The following BEND7 variants were observed in gnomAD, a reference collection of about 807,000 sequenced individuals.
BEND7 encodes BEN domain-containing protein 7.
Under a neutral mutation model 50.9 loss-of-function variants are expected in BEND7, and 28 were observed. The observed-to-expected ratio is 0.55, with a 90% CI of 0.41 to 0.75. The LOEUF (loss-of-function observed/expected upper bound fraction) is 0.75, where lower values mean the gene tolerates loss of function less well. BEND7 is among the 30% of genes least tolerant of loss of function. BEND7 has a pLI of 0.00. For missense variants in BEND7, 477 were observed against 491.3 expected (o/e 0.97, Z 0.28); for synonymous variants, 170 against 183.9 (o/e 0.92, Z 0.61).
At chr10:13,454,133 T>C (rs1162986185) in intron 6 of BEND7, among the ~76,000 whole-genome samples, 1 of 152,182 alleles carries the variant, frequency 6.6e-6, no homozygotes, top group East Asian at 1.9e-4. Flanking sequence ...TGGCATTGTT[T>C]GGTTAATCAC....
chr10:13,467,334 A>T (rs971656060), intron 6 of BEND7, among the ~76,000 whole-genome samples: 8 of 152,144 alleles, frequency 5.3e-5, no homozygotes, highest in Non-Finnish European at 8.8e-5. Flanking sequence ...AAACTAGGAA[A>T]CGGCACATTT....
intron 4 of BEND7, among the ~76,000 whole-genome samples, chr10:13,495,220 C>T (rs1045949079): frequency 2.6e-5 from 4 of 152,284 alleles, no homozygotes; most frequent in Non-Finnish European, 5.9e-5. Flanking sequence ...CATAAAGTAA[C>T]CTTTCTTTCT....
chr10:13,513,620 C>T (rs2078440009), intron 2 of BEND7, among the ~76,000 whole-genome samples: 1 of 152,318 alleles, frequency 6.6e-6, no homozygotes, highest in East Asian at 1.9e-4. Flanking sequence ...CTTCTCCCCA[C>T]CACCACCCCA....
intron 6 of BEND7, among the ~76,000 whole-genome samples, chr10:13,465,174 T>A (rs2074106437): frequency 6.6e-6 from 1 of 152,230 alleles, no homozygotes; most frequent in South Asian, 2.1e-4. Flanking sequence ...CGTCTGTTAC[T>A]TAACTTGAAG....
At chr10:13,524,946 G>A (rs376186100) in intron 2 of BEND7, among the ~76,000 whole-genome samples, 2 of 151,902 alleles carry the variant, frequency 1.3e-5, no homozygotes, top group Non-Finnish European at 2.9e-5. Flanking sequence ...AATGCATCCC[G>A]ACCCACCCTT....
intron 2 of BEND7, among the ~76,000 whole-genome samples, chr10:13,505,941 T>C (rs2132348547): frequency 6.6e-6 from 1 of 152,222 alleles, no homozygotes; most frequent in South Asian, 2.1e-4. Context: ...AACACTAAGA[T>C]AGTAAACAAA....
intron 2 of BEND7, among the ~76,000 whole-genome samples, chr10:13,508,934 T>C (rs1226045862): frequency 6.6e-6 from 1 of 152,170 alleles, no homozygotes; most frequent in Non-Finnish European, 1.5e-5. Context: ...CACTTTGTAA[T>C]CATGGCTGAA....
chr10:13,500,438 C>T lies in BEND7; in HGVS notation c.146-358G>A, dbSNP rs117219187. ...GAAGGTCAAGGATAGAACTGGACCG[C>T]GGAACCCCTCTGCTCTGATGGGCCA... is the stretch of plus-strand genomic sequence containing the variant. On this transcript the variant is annotated intron_variant, in intron 2 of 8. Transcript: ENST00000466271. 47 of 872,788 alleles carry T rather than the reference C, an allele frequency of 5.4e-5. No homozygotes were observed. In the East Asian group the frequency reaches 2.8e-3, roughly 53 times the overall value. The allele number at this position is 872,788 out of a possible 1,614,324, so 54.1% of individuals were successfully genotyped here.
In BEND7 at chr10:13,492,802, T is replaced by C; in HGVS notation, c.646A>G (p.Asn216Asp). The change falls in exon 5 of 9, where the codon AAT becomes GAT. Residue 216 changes from asparagine to aspartate, a missense_variant. Physicochemically the swap from Asn to Asp is conservative, Grantham distance 23 (BLOSUM62 1). This residue lies in a region of BEND7 where 396 missense variants were observed against 384.2 expected (regional missense o/e 1.03). Coordinates refer to ENST00000466271, the MANE Select transcript of BEND7 (RefSeq NM_001369863.1). ...SQRTAVSRKR[N>D]KKKKVPPKTV... is the part of the protein sequence containing the mutation. ...TTTGGGGGCACTTTTTTCTTTTTAT[T>C]TCTCTTTCGTGAGACAGCAGTTCGC... 6.2e-7 allele frequency: 1 copy of C among 1,608,612 alleles called. No homozygotes were observed. Among genetic ancestry groups the C allele is most frequent in the East Asian group, 2.2e-5 (1 of 44,868 alleles).
intron 6 of BEND7, among the ~76,000 whole-genome samples, chr10:13,476,572 T>C (rs1345272049): frequency 6.6e-6 from 1 of 152,340 alleles, no homozygotes; most frequent in South Asian, 2.1e-4. Flanking sequence ...AATCGCTTTA[T>C]TGCAACTGTA....
intron 5 of BEND7, among the ~76,000 whole-genome samples, chr10:13,488,217 T>A (rs17153352): frequency 0.11 from 17,176 of 151,830 alleles, 1,099 homozygotes; most frequent in South Asian, 0.18. Context: ...TTATAGTAAC[T>A]ACAACAGATA....
At chr10:13,489,491 T>C (rs2076492120) in intron 5 of BEND7, among the ~76,000 whole-genome samples, 1 of 152,136 alleles carries the variant, frequency 6.6e-6, no homozygotes, top group Non-Finnish European at 1.5e-5. Flanking sequence ...CTGTGTGAAC[T>C]TGTGCAAGCT....
chr10:13,467,046 C>T (rs991323887), intron 6 of BEND7, among the ~76,000 whole-genome samples: 1 of 152,178 alleles, frequency 6.6e-6, no homozygotes, highest in African/African-American at 2.4e-5. Context: ...GATTTATGCA[C>T]TGTCCCACCG....
At chr10:13,444,946 C>G (rs1410704847) in intron 8 of BEND7, 1 of 152,150 alleles carries the variant, frequency 6.6e-6, no homozygotes, top group Non-Finnish European at 1.5e-5. Context: ...TCCTGAGTAG[C>G]TGGGACTACA....
At chr10:13,511,737 T>C (rs1254911623) in intron 2 of BEND7, among the ~76,000 whole-genome samples, 1 of 152,194 alleles carries the variant, frequency 6.6e-6, no homozygotes, top group African/African-American at 2.4e-5. Context: ...GTACCAGGCC[T>C]CTGGTAAGCA....
intron 5 of BEND7, among the ~76,000 whole-genome samples, chr10:13,491,402 G>T (rs748922125): frequency 5.3e-5 from 8 of 150,954 alleles, no homozygotes; most frequent in Non-Finnish European, 4.4e-5. Context: ...CCGAATATGT[G>T]ATCTACCTGG....
At position 13,464,613 on chromosome 10, in the gene BEND7, T is replaced by TA. The variant is rs1486604670; in HGVS notation, c.1064-11956dup. Among the ~76,000 whole-genome samples, 4 of 152,168 alleles carry TA rather than the reference T, an allele frequency of 2.6e-5. 1 individual carries two copies. Among genetic ancestry groups the TA allele is most frequent in the Middle Eastern group, 3.2e-3 (1 of 316 alleles). ...GAGGGGATATGAAGTAAATTATTAATAATAGCTGTTTTAAATCTTAGGGGA... is the reference window on the plus strand; with the variant it reads ...GAGGGGATATGAAGTAAATTATTAATAAATAGCTGTTTTAAATCTTAGGGGA... On this transcript the variant is annotated intron_variant, in intron 6 of 8. Transcript: ENST00000466271.
intron 2 of BEND7, among the ~76,000 whole-genome samples, chr10:13,517,431 C>G (rs1450477479): frequency 6.6e-6 from 1 of 151,988 alleles, no homozygotes; most frequent in East Asian, 1.9e-4. Context: ...CATGCAGGGT[C>G]TCAGCTGTCA....
At chr10:13,476,035 C>T (rs910820912) in intron 6 of BEND7, among the ~76,000 whole-genome samples, 1 of 152,172 alleles carries the variant, frequency 6.6e-6, no homozygotes, top group Non-Finnish European at 1.5e-5. Flanking sequence ...TAAATCGATG[C>T]AAATTCCACC....
Sources: allele counts gnomAD v4.1 joint callset (sites outside exome capture counted in the v4.1 genomes callset), GRCh38; gene constraint gnomAD v4.1.1; regional missense constraint gnomAD v4.1.1; transcripts MANE v1.5; gene names NCBI Gene and HGNC (gene_info 2026-07-23, HGNC 2026-07-21).